CNTNAP3B: variants seen among roughly 807,000 people sequenced by gnomAD.
CNTNAP3B encodes contactin-associated protein-like 3B.
CNTNAP3B carries 25 observed loss-of-function variants against 108.9 expected under a neutral mutation model. The observed-to-expected ratio is 0.23, with a 90% CI of 0.17 to 0.32. The LOEUF is 0.32. Among genes scored for constraint, CNTNAP3B ranks in the 10% least tolerant of loss-of-function variants. CNTNAP3B has a pLI of 1.00. For missense variants in CNTNAP3B, 252 were observed against 1,210.4 expected, an observed-to-expected ratio of 0.21 and a Z score of 11.75; for synonymous variants, 103 against 473.4, an observed-to-expected ratio of 0.22 and a Z score of 10.16.
chr9:42,122,957 G>A, intron 1 of CNTNAP3B, among the ~76,000 whole-genome samples: 1 of 119,094 alleles, frequency 8.4e-6, no homozygotes, highest in South Asian at 3.0e-4. Flanking sequence ...GTTAAATATA[G>A]GATGTCTGAG....
chr9:41,943,731 C>G (rs1421526793), intron 13 of CNTNAP3B, among the ~76,000 whole-genome samples: 1 of 151,244 alleles, frequency 6.6e-6, no homozygotes, highest in African/African-American at 2.4e-5. Flanking sequence ...AGAGTGAGAA[C>G]CAGAAGAAAT....
chr9:41,947,316 T>C (rs1347544363), intron 13 of CNTNAP3B, among the ~76,000 whole-genome samples: 1 of 152,178 alleles, frequency 6.6e-6, no homozygotes, highest in African/African-American at 2.4e-5. Context: ...ACAAAGTATA[T>C]TCTCTAAGCA....
chr9:41,961,070 T>A (rs1208139385), intron 11 of CNTNAP3B, among the ~76,000 whole-genome samples, 178 bp from the exon 12 acceptor site: 2 of 152,306 alleles, frequency 1.3e-5, no homozygotes, highest in Admixed American at 1.3e-4. Flanking sequence ...AAAAATTAAA[T>A]CTATTTTTAT....
At chr9:41,933,558 G>C (rs1031443639) in intron 14 of CNTNAP3B, among the ~76,000 whole-genome samples, 405 of 152,092 alleles carry the variant, frequency 2.7e-3, no homozygotes, top group African/African-American at 9.3e-3. Flanking sequence ...TTCTAGGTGT[G>C]TAATGGTAAT....
intron 9 of CNTNAP3B, chr9:41,980,764 TG>T (rs1261633185): frequency 3.5e-5 from 5 of 143,126 alleles, no homozygotes; most frequent in Non-Finnish European, 4.6e-5. Context: ...GAGCCACCTA[TG>T]ACAAACCCAC....
At chr9:41,959,546 T>C (rs1321853866) in intron 12 of CNTNAP3B, among the ~76,000 whole-genome samples, 2 of 152,308 alleles carry the variant, frequency 1.3e-5, no homozygotes, top group East Asian at 3.8e-4. Flanking sequence ...AGTCTTTTGA[T>C]ATCCACCAAG....
chr9:42,043,075 A>G (rs1564181526), intron 3 of CNTNAP3B, among the ~76,000 whole-genome samples: 1 of 147,560 alleles, frequency 6.8e-6, no homozygotes, highest in African/African-American at 2.6e-5. Flanking sequence ...GATGGTCAGT[A>G]TTTCATTGTC....
intron 15 of CNTNAP3B, among the ~76,000 whole-genome samples, chr9:41,925,108 CT>C (rs1197569680): frequency 8.6e-5 from 13 of 151,908 alleles, no homozygotes; most frequent in African/African-American, 2.9e-4. Context: ...TTATTTTTCT[CT>C]TTTTTCATGT....
chr9:42,109,488 G>C (rs1279512437), intron 1 of CNTNAP3B, among the ~76,000 whole-genome samples: 1 of 148,110 alleles, frequency 6.8e-6, no homozygotes, highest in African/African-American at 2.6e-5. Context: ...GATTTTGTCC[G>C]TATCTGCAGA....
At chr9:41,925,300 A>G (rs1459109522) in intron 15 of CNTNAP3B, among the ~76,000 whole-genome samples, 1 of 151,986 alleles carries the variant, frequency 6.6e-6, no homozygotes, top group Non-Finnish European at 1.5e-5. Flanking sequence ...TACGTTAGAA[A>G]TAGCTTTTCT....
intron 2 of CNTNAP3B, among the ~76,000 whole-genome samples, chr9:42,095,413 G>C (rs1464084499): frequency 1.4e-5 from 2 of 138,778 alleles, no homozygotes; most frequent in African/African-American, 5.8e-5. Context: ...ACAAGCGTGG[G>C]GAAAATGTAA....
intron 13 of CNTNAP3B, among the ~76,000 whole-genome samples, chr9:41,944,828 A>T (rs1488660855): frequency 6.6e-6 from 1 of 152,296 alleles, no homozygotes; most frequent in Non-Finnish European, 1.5e-5. Context: ...CAGAGTGAAC[A>T]GGCAACCTAT....
At chr9:41,975,141 C>T (rs1435860228) in intron 9 of CNTNAP3B, 1 of 193,358 alleles carries the variant, frequency 5.2e-6, no homozygotes, top group Non-Finnish European at 1.0e-5. Context: ...CCTGCAGGGG[C>T]TTCGAGACGC....
intron 13 of CNTNAP3B, among the ~76,000 whole-genome samples, chr9:41,943,466 C>A (rs1824425894): frequency 6.6e-6 from 1 of 151,580 alleles, no homozygotes; most frequent in East Asian, 1.9e-4. Context: ...CATTCTCCTG[C>A]CTCAGCCTCC....
At chr9:41,924,806 A>C (rs1333268700) in intron 15 of CNTNAP3B, among the ~76,000 whole-genome samples, 19 of 152,352 alleles carry the variant, frequency 1.2e-4, no homozygotes, top group Non-Finnish European at 2.2e-4. Context: ...AGGCCTCTTT[A>C]GTGTCCTTTA....
At position 41,986,182 on chromosome 9, in the gene CNTNAP3B, G is replaced by A; in HGVS notation, c.1463C>T (p.Thr488Ile). ...CCTTCTCTTACCTCCAAAATAATAG[G>A]TGTCACCTGAATCAATGAGCACAGC... The part of the protein sequence containing the change: ...LVAVLIDSGD[T>I]YYFGGCLGNS... The change falls in exon 9 of 24, where the codon ACC (threonine) becomes ATC (isoleucine). Residue 488 changes from threonine to isoleucine, a missense_variant. Thr to Ile is a moderately conservative substitution (Grantham distance 89, BLOSUM62 -1). Coordinates refer to ENST00000377561, the MANE Select transcript of CNTNAP3B (RefSeq NM_001201380.3). The A allele has an allele frequency of 8.8e-7, 1 of 1,133,716 alleles. No homozygotes were observed. 70.2% of individuals were successfully genotyped at this position (1,133,716 alleles called of 1,614,324 possible). A position where few individuals can be genotyped will look rare whatever the true frequency, so the allele number is the denominator to read the frequency against.
chr9:41,968,955 C>A (rs1481467561), intron 10 of CNTNAP3B, among the ~76,000 whole-genome samples: 1 of 152,254 alleles, frequency 6.6e-6, no homozygotes, highest in East Asian at 1.9e-4. Flanking sequence ...CGCCACCATG[C>A]CTGGCTAATT....
At chr9:42,021,382 A>AT (rs564115762) in intron 3 of CNTNAP3B, among the ~76,000 whole-genome samples, 517 of 89,532 alleles carry the variant, frequency 5.8e-3, no homozygotes, top group African/African-American at 0.025. Context: ...AACAAAAATC[A>AT]TTTGAAAAGC....
At chr9:41,942,436 C>T (rs1317055739) in intron 13 of CNTNAP3B, among the ~76,000 whole-genome samples, 2 of 151,994 alleles carry the variant, frequency 1.3e-5, no homozygotes, top group African/African-American at 2.4e-5. Flanking sequence ...TGGTGAAACC[C>T]CGTATCTACT....
Sources: allele counts gnomAD v4.1 joint callset (sites outside exome capture counted in the v4.1 genomes callset), GRCh38; gene constraint gnomAD v4.1.1; transcripts MANE v1.5; gene names NCBI Gene and HGNC (gene_info 2026-07-23, HGNC 2026-07-21).